Variants in B3GLCT observed in about 807,000 individuals in gnomAD.
The protein encoded by B3GLCT is beta-1,3-glucosyltransferase.
In B3GLCT, 65 loss-of-function variants were observed where a neutral mutation model predicts 63.4. The ratio of observed to expected loss-of-function variants is 1.03; its 90% CI spans 0.84 to 1.26. The LOEUF is 1.26. Among genes scored for constraint, B3GLCT ranks in the 50% most tolerant of loss-of-function variants. The pLI is 0.00. For missense variants in B3GLCT, 577 were observed against 604.8 expected (o/e 0.95, Z 0.48); for synonymous variants, 233 against 219.2 (o/e 1.06, Z -0.55).
intron 4 of B3GLCT, among the ~76,000 whole-genome samples, chr13:31,232,537 C>G (rs116827177): frequency 1.2e-3 from 184 of 152,308 alleles, no homozygotes; most frequent in Middle Eastern, 6.8e-3. Flanking sequence ...CCCCCATGAT[C>G]CAGTCACCTC....
chr13:31,292,419 G>A (rs546794263), intron 12 of B3GLCT, among the ~76,000 whole-genome samples: 6 of 152,108 alleles, frequency 3.9e-5, no homozygotes, highest in Non-Finnish European at 7.4e-5. Flanking sequence ...AGTGGAATTC[G>A]GCTGTGAGTC....
At chr13:31,222,178 A>C (rs1256047725) in intron 2 of B3GLCT, among the ~76,000 whole-genome samples, 2 of 151,134 alleles carry the variant, frequency 1.3e-5, no homozygotes, top group Admixed American at 1.3e-4. Context: ...TCCTGGGTTC[A>C]AGCGATTGTC....
intron 1 of B3GLCT, among the ~76,000 whole-genome samples, chr13:31,214,826 T>C (rs1249792410): frequency 6.6e-6 from 1 of 152,252 alleles, no homozygotes; most frequent in African/African-American, 2.4e-5. Flanking sequence ...TACTGTTTCT[T>C]TTGCTTGGTA....
chr13:31,241,838 G>A (rs1870962903), intron 4 of B3GLCT, among the ~76,000 whole-genome samples: 1 of 152,162 alleles, frequency 6.6e-6, no homozygotes, highest in African/African-American at 2.4e-5. Flanking sequence ...GCTACTCTCA[G>A]CTAAGATGAT....
At position 31,284,673 on chromosome 13, in the gene B3GLCT, G is replaced by A. The variant is rs1213709137; in HGVS notation, c.876G>A (p.Glu292=). Residue 292 remains glutamate, a synonymous_variant, in exon 11 of 15, where the codon GAG becomes GAA. Coordinates refer to ENST00000343307, the MANE Select transcript of B3GLCT (RefSeq NM_194318.4). ...TACCTATTGTTAAGCAGACTTGGGA[G>A]AGCCAGGCAAGTCTCATTGAATACT... The part of the protein sequence containing the change: ...DRIPIVKQTW[E]SQASLIEYYS... 6.2e-7 allele frequency: 1 copy of A among 1,609,558 alleles called. No individual in the cohort carries two copies. Among genetic ancestry groups the A allele is most frequent in the South Asian group, 1.1e-5 (1 of 90,994 alleles).
intron 12 of B3GLCT, among the ~76,000 whole-genome samples, chr13:31,296,301 T>C (rs1297170407): frequency 1.3e-5 from 2 of 152,230 alleles, no homozygotes; most frequent in African/African-American, 4.8e-5. Flanking sequence ...TTTTGTTTGA[T>C]AATTATTTCT....
At chr13:31,279,694 AG>A (rs1231367643) in intron 10 of B3GLCT, among the ~76,000 whole-genome samples, 3 of 152,228 alleles carry the variant, frequency 2.0e-5, no homozygotes, top group Admixed American at 6.5e-5. Context: ...ATATCTTATC[AG>A]GGGACAGGGT....
intron 6 of B3GLCT, among the ~76,000 whole-genome samples, chr13:31,251,232 C>T (rs894049339): frequency 1.3e-5 from 2 of 152,168 alleles, no homozygotes; most frequent in African/African-American, 4.8e-5. Flanking sequence ...AAAGACCAAA[C>T]GTAGATAAAT....
At chr13:31,222,320 C>T (rs1869854756) in intron 2 of B3GLCT, among the ~76,000 whole-genome samples, 1 of 152,034 alleles carries the variant, frequency 6.6e-6, no homozygotes, top group Non-Finnish European at 1.5e-5. Context: ...TTGTGATCCA[C>T]CTGCCTCGAC....
At chr13:31,295,654 T>G (rs146545197) in intron 12 of B3GLCT, among the ~76,000 whole-genome samples, 3 of 152,154 alleles carry the variant, frequency 2.0e-5, no homozygotes, top group African/African-American at 7.2e-5. Context: ...TAATGGCAGA[T>G]GCCCCTCCCC....
At chr13:31,310,356 GCTT>G (rs1874641581) in intron 12 of B3GLCT, among the ~76,000 whole-genome samples, 1 of 152,198 alleles carries the variant, frequency 6.6e-6, no homozygotes, top group South Asian at 2.1e-4. Flanking sequence ...GTAACCTCAT[GCTT>G]CTTGGATGTG....
At chr13:31,288,143 C>T (rs563224700) in intron 12 of B3GLCT, among the ~76,000 whole-genome samples, 2 of 152,242 alleles carry the variant, frequency 1.3e-5, no homozygotes, top group East Asian at 3.9e-4. Context: ...ACCCCAGGCA[C>T]ACCATAAGCA....
chr13:31,288,250 C>G (rs1873447681), intron 12 of B3GLCT, among the ~76,000 whole-genome samples: 1 of 152,110 alleles, frequency 6.6e-6, no homozygotes. Flanking sequence ...TGAGGACTAG[C>G]ATGCTTAACC....
At chr13:31,311,704 A>G (rs780232361) in intron 12 of B3GLCT, 6 of 152,212 alleles carry the variant, frequency 3.9e-5, no homozygotes, top group Non-Finnish European at 8.8e-5. Context: ...AACCAGGTCC[A>G]CATGTCTTTA....
chr13:31,249,701 T>C (rs1871341608), intron 6 of B3GLCT, among the ~76,000 whole-genome samples: 1 of 152,214 alleles, frequency 6.6e-6, no homozygotes, highest in Admixed American at 6.5e-5. Flanking sequence ...TTCTCCCTCT[T>C]TTCAGAACTC....
chr13:31,277,382 G>A (rs1205607277), intron 10 of B3GLCT, among the ~76,000 whole-genome samples: 4 of 149,068 alleles, frequency 2.7e-5, no homozygotes, highest in Non-Finnish European at 5.9e-5. Flanking sequence ...AAGTTGTGAC[G>A]ATAATGTAAA....
chr13:31,309,316 T>C (rs1466360764), intron 12 of B3GLCT, among the ~76,000 whole-genome samples: 2 of 152,242 alleles, frequency 1.3e-5, no homozygotes, highest in Non-Finnish European at 2.9e-5. Context: ...TCTGTGACCC[T>C]GAAATATGTG....
At chr13:31,259,927 A>T (rs1244317721) in intron 6 of B3GLCT, among the ~76,000 whole-genome samples, 4 of 151,854 alleles carry the variant, frequency 2.6e-5, no homozygotes, top group Non-Finnish European at 5.9e-5. Flanking sequence ...GCTTTGTGTA[A>T]TTTCTCCAGC....
chr13:31,301,380 T>C (rs748576692), intron 12 of B3GLCT, among the ~76,000 whole-genome samples: 5 of 152,216 alleles, frequency 3.3e-5, no homozygotes, highest in Non-Finnish European at 7.3e-5. Context: ...CAAGTTCCAT[T>C]AATACTGCTC....
Sources: allele counts gnomAD v4.1 joint callset (sites outside exome capture counted in the v4.1 genomes callset), GRCh38; gene constraint gnomAD v4.1.1; transcripts MANE v1.5; gene names NCBI Gene and HGNC (gene_info 2026-07-23, HGNC 2026-07-21).